The following FBXW8 variants were observed in gnomAD, a reference collection of about 807,000 sequenced individuals.
FBXW8 encodes the protein F-box and WD repeat domain containing 8.
FBXW8 carries 57 observed loss-of-function variants against 65.3 expected under a neutral mutation model. That is an observed-to-expected ratio of 0.87 (90% CI 0.71 to 1.09). FBXW8 has a LOEUF of 1.09. Among genes scored for constraint, FBXW8 ranks in the 50% least tolerant of loss-of-function variants. The probability of loss-of-function intolerance (pLI) is 0.00; values close to 1 mark genes in which losing one functional copy is unlikely to be tolerated. For missense variants in FBXW8, 777 were observed against 814.8 expected, an observed-to-expected ratio of 0.95 and a Z score of 0.57; for synonymous variants, 308 against 330.2, an observed-to-expected ratio of 0.93 and a Z score of 0.73.
At chr12:116,943,364 G>A (rs1006173273) in intron 2 of FBXW8, among the ~76,000 whole-genome samples, 2 of 152,160 alleles carry the variant, frequency 1.3e-5, no homozygotes, top group Non-Finnish European at 2.9e-5. Context: ...TGCTGTTATT[G>A]CTATTGTTAT....
At chr12:117,009,810 TG>T (rs1457138558) in intron 7 of FBXW8, among the ~76,000 whole-genome samples, 1 of 152,058 alleles carries the variant, frequency 6.6e-6, no homozygotes, top group Non-Finnish European at 1.5e-5. Flanking sequence ...GTTTGTGTTT[TG>T]GTTTATAGTT....
At chr12:116,985,074 C>T (rs754570735) in intron 5 of FBXW8, 132 bp from the exon 6 acceptor site, 27 of 653,410 alleles carry the variant, frequency 4.1e-5, no homozygotes, top group Non-Finnish European at 6.5e-5. Flanking sequence ...TAAGTGATTT[C>T]GTGTTTAGAC....
chr12:116,982,852 T>C (rs1885408314), intron 5 of FBXW8, among the ~76,000 whole-genome samples: 1 of 152,188 alleles, frequency 6.6e-6, no homozygotes, highest in Non-Finnish European at 1.5e-5. Context: ...GTGAGTGTGA[T>C]GGTGTACGTC....
chr12:117,018,832 TTG>T (rs968574467), intron 8 of FBXW8, among the ~76,000 whole-genome samples: 13 of 152,212 alleles, frequency 8.5e-5, no homozygotes, highest in African/African-American at 3.1e-4. Flanking sequence ...TGGACCAAAT[TTG>T]TGTTTGCCTT....
At chr12:116,923,717 A>ATTT (rs1565898582) in intron 1 of FBXW8, among the ~76,000 whole-genome samples, 3 of 140,224 alleles carry the variant, frequency 2.1e-5, no homozygotes, top group Non-Finnish European at 3.1e-5. Flanking sequence ...TTAATTAATT[A>ATTT]ATTTATTTAT....
intron 8 of FBXW8, among the ~76,000 whole-genome samples, chr12:117,013,494 G>A (rs1005883014): frequency 2.6e-5 from 4 of 152,034 alleles, no homozygotes; most frequent in Non-Finnish European, 2.9e-5. Context: ...GTAATGGTAC[G>A]GGGAGTGATG....
At chr12:116,925,453 A>G (rs1881251117) in intron 1 of FBXW8, among the ~76,000 whole-genome samples, 1 of 152,160 alleles carries the variant, frequency 6.6e-6, no homozygotes, top group South Asian at 2.1e-4. Flanking sequence ...GCGGCATGAA[A>G]CTTGAGCATT....
chr12:116,989,067 TC>T (rs1209747491), intron 7 of FBXW8, among the ~76,000 whole-genome samples, 198 bp downstream of exon 7: 1 of 152,074 alleles, frequency 6.6e-6, no homozygotes, highest in Non-Finnish European at 1.5e-5. Context: ...TCCCCCAACT[TC>T]CCTGCACAGA....
At chr12:116,995,391 G>A (rs1283834984) in intron 7 of FBXW8, among the ~76,000 whole-genome samples, 1 of 152,182 alleles carries the variant, frequency 6.6e-6, no homozygotes, top group African/African-American at 2.4e-5. Flanking sequence ...AAACCTTTTG[G>A]CTGTGGAGTT....
chr12:116,935,909 A>G lies in FBXW8; in HGVS notation c.423+7782A>G, dbSNP rs1882122923. ...TAATTTTTAAAAAAAAGTTGGACTT[A>G]CACTTTTATCTCATTTGGTTATTTA... is the stretch of plus-strand genomic sequence containing the variant. On this transcript the variant is annotated intron_variant, in intron 2 of 10. Transcript: ENST00000652555. Among the ~76,000 whole-genome samples the G allele has an allele frequency of 2.0e-5, 3 of 152,350 alleles. No homozygotes were observed. The South Asian group carries it at 6.2e-4, about 32-fold the overall frequency.
chr12:116,953,052 A>G (rs1883390720), intron 4 of FBXW8, among the ~76,000 whole-genome samples: 1 of 152,168 alleles, frequency 6.6e-6, no homozygotes, highest in Non-Finnish European at 1.5e-5. Context: ...AGCATCTTTT[A>G]AAACCATGAG....
intron 1 of FBXW8, among the ~76,000 whole-genome samples, chr12:116,917,711 C>T (rs1880544742): frequency 6.6e-6 from 1 of 152,114 alleles, no homozygotes; most frequent in South Asian, 2.1e-4. Flanking sequence ...ACGCAGGACT[C>T]ACTGGGCATG....
chr12:116,937,989 T>G (rs1882283745), intron 2 of FBXW8, among the ~76,000 whole-genome samples: 1 of 152,142 alleles, frequency 6.6e-6, no homozygotes, highest in East Asian at 1.9e-4. Context: ...CTCTGGTGTA[T>G]TAAAGAAAGA....
intron 5 of FBXW8, among the ~76,000 whole-genome samples, chr12:116,982,408 TA>T (rs1885365302): frequency 6.6e-6 from 1 of 152,180 alleles, no homozygotes; most frequent in Non-Finnish European, 1.5e-5. Context: ...TTGCCTGTGA[TA>T]AAGAATCAAC....
rs12306756 is a variant in FBXW8, at chr12:116,961,098, C to T, written c.678-3599C>T. ...TGCAACCTCCACCTCCCAGTTCAAG[C>T]GATTCTTCTGCCTCAGCCTCCCAAG... On this transcript the variant is annotated intron_variant, in intron 4 of 10. Transcript: ENST00000652555. This position sits in a 1 kb window ranked among gnomAD's most constrained non-coding sequence, Gnocchi z 4.4. 0.024 allele frequency among the ~76,000 whole-genome samples: 3,647 copies of T among 152,238 alleles called. 130 individuals carry two copies. The highest frequency in any genetic ancestry group is 0.08 in the African/African-American group (3,322 of 41,530).
At chr12:116,912,918 T>C (rs1037646119) in intron 1 of FBXW8, among the ~76,000 whole-genome samples, 1 of 152,200 alleles carries the variant, frequency 6.6e-6, no homozygotes, top group Non-Finnish European at 1.5e-5. Context: ...ATAACAATCC[T>C]GTGAGGTAGA....
At chr12:116,980,089 T>C (rs772082701) in intron 5 of FBXW8, among the ~76,000 whole-genome samples, 2 of 152,158 alleles carry the variant, frequency 1.3e-5, no homozygotes, top group Non-Finnish European at 2.9e-5. Context: ...ACTCAAACTT[T>C]GTTGCATTCT....
intron 8 of FBXW8, among the ~76,000 whole-genome samples, chr12:117,022,367 A>AG (rs1954119665): frequency 6.6e-6 from 1 of 152,168 alleles, no homozygotes; most frequent in South Asian, 2.1e-4. Context: ...AAAAAAAAAA[A>AG]AAACAGGCTG....
At chr12:116,933,522 T>A (rs917151389) in intron 2 of FBXW8, among the ~76,000 whole-genome samples, 6 of 152,204 alleles carry the variant, frequency 3.9e-5, no homozygotes, top group African/African-American at 1.4e-4. Context: ...GTGTGAACAG[T>A]TTAATTTGCA....
Sources: gnomAD v4.1 joint callset for allele counts (sites outside exome capture counted in the v4.1 genomes callset) on GRCh38, gnomAD v4.1.1 for gene constraint, Gnocchi (gnomAD v3.1) non-coding constraint, MANE v1.5 for transcripts, NCBI Gene and HGNC (gene_info 2026-07-23, HGNC 2026-07-21) for gene names.